Variants in PLD5 observed in about 807,000 individuals in gnomAD.
PLD5 encodes inactive phospholipase D5.
PLD5 carries 36 observed loss-of-function variants against 61.1 expected under a neutral mutation model. The observed-to-expected ratio is 0.59, with a 90% CI of 0.45 to 0.78. PLD5 has a LOEUF of 0.78. Among genes scored for constraint, PLD5 ranks in the 30% least tolerant of loss-of-function variants. The pLI, the probability that PLD5 is intolerant of heterozygous loss-of-function variation, is 0.00. For synonymous variants in PLD5, 243 were observed against 242.8 expected, an observed-to-expected ratio of 1.00 and a Z score of -0.01; for missense variants, 515 against 644.4, an observed-to-expected ratio of 0.80 and a Z score of 2.17.
chr1:242,418,443 T>C (rs1203250146), intron 1 of PLD5, among the ~76,000 whole-genome samples: 1 of 152,136 alleles, frequency 6.6e-6, no homozygotes, highest in Non-Finnish European at 1.5e-5. Flanking sequence ...GAGTTGTCAG[T>C]GTGTACATGG....
At chr1:242,376,577 C>T (rs974697168) in intron 1 of PLD5, among the ~76,000 whole-genome samples, 6 of 152,140 alleles carry the variant, frequency 3.9e-5, no homozygotes, top group African/African-American at 1.4e-4. Flanking sequence ...AATTCAGGAA[C>T]TGCCCTTGTT....
intron 4 of PLD5, 145 bp from the exon 5 acceptor site, chr1:242,220,260 G>C: frequency 9.8e-7 from 1 of 1,021,720 alleles, no homozygotes; most frequent in Non-Finnish European, 1.4e-6. Flanking sequence ...GTTTGGTGGA[G>C]AGAAGGTCCC....
intron 4 of PLD5, among the ~76,000 whole-genome samples, chr1:242,264,787 G>A (rs2149102281): frequency 6.6e-6 from 1 of 152,120 alleles, no homozygotes; most frequent in East Asian, 1.9e-4. Context: ...TGACATTATA[G>A]CAAAATAAAA....
In PLD5 at chr1:242,173,992, G is replaced by A. The variant is rs1574451450; in HGVS notation, c.735+45996C>T. ...CCATTCGGGACATAGGCATGGGCAAGAACTTCATGTCTAAAACACCAAAAG... is the reference window on the plus strand; with the variant it reads ...CCATTCGGGACATAGGCATGGGCAAAAACTTCATGTCTAAAACACCAAAAG... On this transcript the variant is annotated intron_variant, in intron 5 of 9. Transcript: ENST00000536534. 2.0e-5 allele frequency among the ~76,000 whole-genome samples: 3 copies of A among 152,268 alleles called. No homozygotes were observed. In the South Asian group the frequency reaches 6.2e-4, roughly 32 times the overall value.
chr1:242,506,053 C>G (rs534238876), intron 1 of PLD5, among the ~76,000 whole-genome samples: 1 of 152,264 alleles, frequency 6.6e-6, no homozygotes, highest in East Asian at 1.9e-4. Context: ...TATAAAAGTA[C>G]TAAGAGTTCT....
At chr1:242,283,368 G>A (rs927927873) in intron 3 of PLD5, among the ~76,000 whole-genome samples, 4 of 152,164 alleles carry the variant, frequency 2.6e-5, no homozygotes, top group Non-Finnish European at 4.4e-5. Flanking sequence ...GCCTACCACT[G>A]GCTACGTGGT....
chr1:242,250,484 T>C (rs1672640446), intron 4 of PLD5, among the ~76,000 whole-genome samples: 2 of 152,160 alleles, frequency 1.3e-5, no homozygotes, highest in African/African-American at 4.8e-5. Flanking sequence ...CTTTGGAATG[T>C]CTCTGCTGCC....
intron 2 of PLD5, chr1:242,345,480 T>G: frequency 1.4e-6 from 1 of 695,856 alleles, no homozygotes; most frequent in East Asian, 2.6e-5. Context: ...AAGTAAATTC[T>G]TAAGTTGCTA....
intron 1 of PLD5, among the ~76,000 whole-genome samples, chr1:242,520,440 T>C (rs528935360): frequency 6.6e-6 from 1 of 152,278 alleles, no homozygotes; most frequent in East Asian, 1.9e-4. Context: ...GGGAACACAG[T>C]TGTGCATCTT....
intron 3 of PLD5, among the ~76,000 whole-genome samples, chr1:242,268,525 C>CA (rs1361786375): frequency 6.6e-6 from 1 of 152,110 alleles, no homozygotes; most frequent in African/African-American, 2.4e-5. Flanking sequence ...ATAGAAATTC[C>CA]AAAATCTACA....
intron 3 of PLD5, among the ~76,000 whole-genome samples, chr1:242,287,816 C>T (rs2439062): frequency 3.3e-4 from 50 of 152,216 alleles, no homozygotes; most frequent in African/African-American, 1.1e-3. Flanking sequence ...GGTAGTTCTC[C>T]GAGCCTTATT....
intron 4 of PLD5, among the ~76,000 whole-genome samples, chr1:242,259,701 T>C (rs552066601): frequency 2.1e-3 from 316 of 152,310 alleles, no homozygotes; most frequent in Non-Finnish European, 3.6e-3. Context: ...CTTTTTTTTT[T>C]CAAAAGGAAA....
At chr1:242,349,400 C>A (rs554117662) in intron 1 of PLD5, among the ~76,000 whole-genome samples, 48 of 152,322 alleles carry the variant, frequency 3.2e-4, no homozygotes, top group African/African-American at 1.1e-3. Context: ...CACTTCTCAT[C>A]ATGGCCTGAA....
intron 1 of PLD5, among the ~76,000 whole-genome samples, chr1:242,395,303 C>T (rs551095503): frequency 3.9e-5 from 6 of 152,110 alleles, no homozygotes; most frequent in Non-Finnish European, 4.4e-5. Flanking sequence ...CCTTCCCCTA[C>T]GAGGAACTTG....
At chr1:242,377,071 C>T in intron 1 of PLD5, 2 of 1,611,726 alleles carry the variant, frequency 1.2e-6, no homozygotes, top group Non-Finnish European at 1.7e-6. Flanking sequence ...GAGTCATCCT[C>T]GTGGCTGGGT....
intron 5 of PLD5, among the ~76,000 whole-genome samples, chr1:242,165,449 A>AG (rs71570936): frequency 7.1e-6 from 1 of 140,050 alleles, no homozygotes. Flanking sequence ...GTGGCTTTAA[A>AG]GGGAAAAAAA....
intron 4 of PLD5, among the ~76,000 whole-genome samples, chr1:242,228,251 T>C (rs1026372020): frequency 1.3e-5 from 2 of 152,212 alleles, no homozygotes; most frequent in Non-Finnish European, 2.9e-5. Context: ...CTATCTTCCA[T>C]ATATCTAGCA....
At chr1:242,229,893 T>C (rs1671189370) in intron 4 of PLD5, among the ~76,000 whole-genome samples, 1 of 143,744 alleles carries the variant, frequency 7.0e-6, no homozygotes, top group Non-Finnish European at 1.5e-5. Context: ...GTAAGACCTC[T>C]AAAAAAATAT....
intron 5 of PLD5, among the ~76,000 whole-genome samples, chr1:242,163,747 T>C (rs1666079418): frequency 1.3e-5 from 2 of 151,344 alleles, no homozygotes; most frequent in African/African-American, 4.9e-5. Flanking sequence ...AAGAAAAAGG[T>C]GAAAGGAGAT....
Sources: gnomAD v4.1 joint callset for allele counts (sites outside exome capture counted in the v4.1 genomes callset) on GRCh38, gnomAD v4.1.1 for gene constraint, MANE v1.5 for transcripts, NCBI Gene and HGNC (gene_info 2026-07-23, HGNC 2026-07-21) for gene names.